The following SHQ1 variants were observed in gnomAD, a reference collection of about 807,000 sequenced individuals.
SHQ1 encodes the protein SHQ1, H/ACA ribonucleoprotein assembly factor.
Under a neutral mutation model 53.8 loss-of-function variants are expected in SHQ1, and 49 were observed. The ratio of observed to expected loss-of-function variants is 0.91; its 90% CI spans 0.72 to 1.16. The LOEUF is 1.16. Ranked by LOEUF, SHQ1 falls within the 50% of genes most tolerant of loss-of-function variation. The probability of loss-of-function intolerance (pLI) is 0.00; values close to 1 mark genes in which losing one functional copy is unlikely to be tolerated. For missense variants in SHQ1, 738 were observed against 683.1 expected, an observed-to-expected ratio of 1.08 and a Z score of -0.90; for synonymous variants, 243 against 251.0, an observed-to-expected ratio of 0.97 and a Z score of 0.30.
intron 6 of SHQ1, among the ~76,000 whole-genome samples, chr3:72,821,238 C>A (rs998191199): frequency 1.3e-5 from 2 of 152,196 alleles, no homozygotes; most frequent in Non-Finnish European, 2.9e-5. Context: ...TGGTGCCAAA[C>A]AGGATGTCCC....
intron 4 of SHQ1, among the ~76,000 whole-genome samples, chr3:72,839,195 T>C (rs1301485903): frequency 6.6e-6 from 1 of 152,200 alleles, no homozygotes; most frequent in Non-Finnish European, 1.5e-5. Flanking sequence ...ACATTTATTA[T>C]CATTCATGTA....
the SHQ1 span, among the ~76,000 whole-genome samples, chr3:72,740,533 C>T: frequency 6.6e-6 from 1 of 152,188 alleles, no homozygotes; most frequent in Non-Finnish European, 1.5e-5. Flanking sequence ...ATCCTCTTTA[C>T]TGTTTGAAGC....
At chr3:72,769,559 C>T (rs989564420) in intron 10 of SHQ1, among the ~76,000 whole-genome samples, 5 of 152,220 alleles carry the variant, frequency 3.3e-5, no homozygotes, top group South Asian at 2.1e-4. Flanking sequence ...ACATCTTCCC[C>T]CTTTCTTTCT....
intron 9 of SHQ1, among the ~76,000 whole-genome samples, chr3:72,798,089 G>A (rs1287654919): frequency 6.6e-6 from 1 of 152,000 alleles, no homozygotes; most frequent in Non-Finnish European, 1.5e-5. Flanking sequence ...ACACGATATG[G>A]GCATAAAAAA....
chr3:72,778,122 T>C (rs1233373406), intron 10 of SHQ1, among the ~76,000 whole-genome samples: 1 of 152,156 alleles, frequency 6.6e-6, no homozygotes, highest in Admixed American at 6.5e-5. Flanking sequence ...AATGGTCCCA[T>C]AGGGAATCTC....
chr3:72,763,056 C>T (rs748804908), intron 10 of SHQ1, among the ~76,000 whole-genome samples: 12,720 of 131,094 alleles, frequency 0.097, 1,603 homozygotes, highest in African/African-American at 0.32. Flanking sequence ...CACACACACA[C>T]ACACACAGAG....
chr3:72,738,922 C>T, the SHQ1 span, among the ~76,000 whole-genome samples: 2 of 152,190 alleles, frequency 1.3e-5, no homozygotes, highest in Non-Finnish European at 2.9e-5. Flanking sequence ...CCCGAGGACC[C>T]GACGGAGCTA....
At chr3:72,742,749 C>CA in the SHQ1 span, among the ~76,000 whole-genome samples, 1 of 151,872 alleles carries the variant, frequency 6.6e-6, no homozygotes, top group Non-Finnish European at 1.5e-5. Context: ...CTCAGCCTCC[C>CA]AAGTAGCTGG....
intron 10 of SHQ1, among the ~76,000 whole-genome samples, chr3:72,791,127 A>T (rs1034060257): frequency 2.0e-5 from 3 of 152,214 alleles, no homozygotes; most frequent in African/African-American, 7.2e-5. Context: ...ACTCACAGAA[A>T]TGAGATCCTG....
At chr3:72,767,208 A>G (rs2106731711) in intron 10 of SHQ1, among the ~76,000 whole-genome samples, 1 of 152,332 alleles carries the variant, frequency 6.6e-6, no homozygotes, top group East Asian at 1.9e-4. Flanking sequence ...CAGAAACATA[A>G]GCAGGTTGAA....
chr3:72,739,707 T>G, the SHQ1 span, among the ~76,000 whole-genome samples: 2 of 152,314 alleles, frequency 1.3e-5, no homozygotes, highest in East Asian at 3.9e-4. Context: ...TTTCATTTGC[T>G]GGGAAGCAGA....
intron 10 of SHQ1, chr3:72,753,644 A>G (rs750565180): frequency 9.1e-6 from 9 of 985,400 alleles, no homozygotes; most frequent in Non-Finnish European, 1.1e-5. Context: ...GAACTTCCAG[A>G]GCGCTTAGAG....
At chr3:72,839,623 C>T (rs1167199908) in intron 4 of SHQ1, among the ~76,000 whole-genome samples, 1 of 152,218 alleles carries the variant, frequency 6.6e-6, no homozygotes, top group Non-Finnish European at 1.5e-5. Context: ...ACAAAACTTA[C>T]TTGTGGTCAA....
intron 9 of SHQ1, among the ~76,000 whole-genome samples, chr3:72,807,796 G>A (rs1481601117): frequency 6.6e-6 from 1 of 152,078 alleles, no homozygotes; most frequent in Non-Finnish European, 1.5e-5. Context: ...CTCATTGATT[G>A]TGTTATTTTA....
intron 9 of SHQ1, 116 bp downstream of exon 9, chr3:72,812,555 C>T (rs1325807276): frequency 2.7e-6 from 3 of 1,125,122 alleles, no homozygotes; most frequent in South Asian, 1.5e-5. Flanking sequence ...TGGTTGGATT[C>T]ATTTTTCATT....
At chr3:72,758,157 C>T (rs551438452) in intron 10 of SHQ1, among the ~76,000 whole-genome samples, 4 of 152,168 alleles carry the variant, frequency 2.6e-5, no homozygotes, top group Non-Finnish European at 4.4e-5. Flanking sequence ...ATCTGAGAGC[C>T]GCCAAGAAAA....
At chr3:72,731,847 C>A in the SHQ1 span, among the ~76,000 whole-genome samples, 1 of 151,502 alleles carries the variant, frequency 6.6e-6, no homozygotes, top group Admixed American at 6.6e-5. Context: ...ATCATCCTCC[C>A]AGAGCATCCA....
intron 10 of SHQ1, among the ~76,000 whole-genome samples, chr3:72,767,184 T>A (rs1705749253): frequency 6.6e-6 from 1 of 152,182 alleles, no homozygotes; most frequent in Admixed American, 6.5e-5. Context: ...TACGAACCCA[T>A]CTGATCCTTT....
chr3:72,742,605 T>A, the SHQ1 span, among the ~76,000 whole-genome samples: 1 of 134,354 alleles, frequency 7.4e-6, no homozygotes, highest in African/African-American at 3.1e-5. Flanking sequence ...GTTGTTCTTT[T>A]TTTTTCTTTT....
Sources: gnomAD v4.1 joint callset for allele counts (sites outside exome capture counted in the v4.1 genomes callset) on GRCh38, gnomAD v4.1.1 for gene constraint, MANE v1.5 for transcripts, NCBI Gene and HGNC (gene_info 2026-07-23, HGNC 2026-07-21) for gene names.